CHCHD4: variants seen among roughly 807,000 people sequenced by gnomAD.
The protein encoded by CHCHD4 is mitochondrial intermembrane space import and assembly protein 40.
Under a neutral mutation model 12.4 loss-of-function variants are expected in CHCHD4, and 7 were observed. The observed-to-expected ratio is 0.57, with a 90% CI of 0.32 to 1.06. The LOEUF is 1.06. Ranked by LOEUF, CHCHD4 falls within the 50% of genes least tolerant of loss-of-function variation. The pLI, the probability that CHCHD4 is intolerant of heterozygous loss-of-function variation, is 0.04. For missense variants in CHCHD4, 143 were observed against 175.1 expected (o/e 0.82, Z 1.03); for synonymous variants, 56 against 58.0 (o/e 0.97, Z 0.16).
At position 14,124,699 on chromosome 3, in the gene CHCHD4, C is replaced by A; in HGVS notation, c.-23G>T. On this transcript the variant is annotated 5_prime_UTR_variant, in exon 1 of 3. In the 5' UTR this introduces an upstream ATG that the reference lacks. Coordinates refer to ENST00000396914, the MANE Select transcript of CHCHD4 (RefSeq NM_001098502.2). ...CATGGCTGCAGCCCGTCCCTGAGAC[C>A]TTGCAGAAGCGGCGGTGGCGGCAGC... The A allele has an allele frequency of 6.6e-7, 1 of 1,524,752 alleles. No homozygotes were observed. Among genetic ancestry groups the A allele is most frequent in the Non-Finnish European group, 8.8e-7 (1 of 1,138,150 alleles). The allele number at this position is 1,524,752 out of a possible 1,614,324, so 94.5% of individuals were successfully genotyped here. A position where few individuals can be genotyped will look rare whatever the true frequency, so the allele number is the denominator to read the frequency against.
intron 1 of CHCHD4, among the ~76,000 whole-genome samples, chr3:14,121,523 T>C (rs1694934376): frequency 6.6e-6 from 1 of 152,216 alleles, no homozygotes; most frequent in Admixed American, 6.5e-5. Flanking sequence ...CCCTGTGTCC[T>C]GCAGAGGAAG....
intron 1 of CHCHD4, among the ~76,000 whole-genome samples, chr3:14,119,614 GAA>G (rs991833920): frequency 3.3e-5 from 5 of 152,220 alleles, no homozygotes; most frequent in African/African-American, 1.2e-4. Flanking sequence ...TTTCTCTAGA[GAA>G]ATAAAATTTA....
intron 2 of CHCHD4, among the ~76,000 whole-genome samples, chr3:14,113,882 GCTT>G (rs1307132522): frequency 6.6e-6 from 1 of 152,124 alleles, no homozygotes; most frequent in Non-Finnish European, 1.5e-5. Context: ...ATATTAATAG[GCTT>G]CTTACTTTTG....
chr3:14,119,542 G>A (rs1410592218), intron 1 of CHCHD4, among the ~76,000 whole-genome samples: 1 of 152,044 alleles, frequency 6.6e-6, no homozygotes. Flanking sequence ...CAGACTAGTC[G>A]TAAGATGCCA....
intron 2 of CHCHD4, among the ~76,000 whole-genome samples, chr3:14,114,462 T>A (rs1173825734): frequency 6.6e-6 from 1 of 152,178 alleles, no homozygotes; most frequent in Non-Finnish European, 1.5e-5. Flanking sequence ...CAGACTGGGC[T>A]GACAGGATTC....
At chr3:14,123,431 T>C (rs1275027357) in intron 1 of CHCHD4, among the ~76,000 whole-genome samples, 1 of 152,218 alleles carries the variant, frequency 6.6e-6, no homozygotes, top group Non-Finnish European at 1.5e-5. Flanking sequence ...TAGTACTCAT[T>C]AAAGAGTGAG....
intron 1 of CHCHD4, chr3:14,121,823 C>T (rs1162436320): frequency 5.6e-6 from 9 of 1,601,090 alleles, no homozygotes; most frequent in Middle Eastern, 3.3e-4. Context: ...TACAACTCCC[C>T]CATACAGAAT....
intron 1 of CHCHD4, chr3:14,119,147 G>T (rs749786878): frequency 6.6e-6 from 1 of 152,318 alleles, no homozygotes; most frequent in Non-Finnish European, 1.5e-5. Flanking sequence ...GTCCTCACAT[G>T]TGCCTTCCTG....
intron 1 of CHCHD4, among the ~76,000 whole-genome samples, chr3:14,121,475 A>C (rs996558670): frequency 2.0e-5 from 3 of 152,310 alleles, no homozygotes; most frequent in South Asian, 2.1e-4. Context: ...ATCTTTATAC[A>C]CCAGAATCTC....
chr3:14,124,483 C>A (rs1452559877), intron 1 of CHCHD4, among the ~76,000 whole-genome samples, 172 bp downstream of exon 1: 1 of 152,060 alleles, frequency 6.6e-6, no homozygotes, highest in African/African-American at 2.4e-5. Context: ...GTTTTCTCAT[C>A]CGCAAAACAG....
intron 1 of CHCHD4, among the ~76,000 whole-genome samples, chr3:14,121,268 G>C (rs1694931086): frequency 6.6e-6 from 1 of 152,172 alleles, no homozygotes; most frequent in Admixed American, 6.5e-5. Context: ...TAGAAGAGAA[G>C]TGACTTCCTT....
Position 14,112,675 on chromosome 3 carries a change from T to G in CHCHD4, c.*212A>C. ...AGAATTCAAAAGTGGCGGCCACAGG[T>G]TTGGGTAGGACACACATACATACAA... is the stretch of plus-strand genomic sequence containing the variant. On this transcript the variant is annotated 3_prime_UTR_variant, in exon 3 of 3. Coordinates refer to ENST00000396914, the MANE Select transcript of CHCHD4 (RefSeq NM_001098502.2). 1 of 466,612 alleles carries G rather than the reference T, an allele frequency of 2.1e-6. No individual in the cohort carries two copies. 28.9% of individuals were successfully genotyped at this position (466,612 alleles called of 1,614,324 possible). A position where few individuals can be genotyped will look rare whatever the true frequency, so the allele number is the denominator to read the frequency against.
Position 14,116,470 on chromosome 3 carries a change from G to A in CHCHD4, c.77C>T (p.Ala26Val), listed in dbSNP as rs1694877304. ...GTTGGGGTCATCAGCCACCAATTCT[G>A]CACTGCTTGGAGTTTCATGATCTTC... Reference protein sequence around the residue: ...TKEDHETPSSAELVADDPNDP... With the variant: ...TKEDHETPSSVELVADDPNDP... Residue 26 changes from alanine to valine, a missense_variant, in exon 2 of 3, where the codon GCA becomes GTA. Ala to Val is a moderately conservative substitution (Grantham distance 64, BLOSUM62 0). Transcript: ENST00000396914. 1 of 1,613,680 alleles carries A rather than the reference G, an allele frequency of 6.2e-7. No individual in the cohort carries two copies. Among genetic ancestry groups the A allele is most frequent in the African/African-American group, 1.3e-5 (1 of 74,904 alleles).
At chr3:14,114,575 T>G (rs1025337353) in intron 2 of CHCHD4, among the ~76,000 whole-genome samples, 5 of 152,078 alleles carry the variant, frequency 3.3e-5, no homozygotes, top group African/African-American at 4.8e-5. Context: ...TCAAATCTGC[T>G]CACAAACCTG....
intron 1 of CHCHD4, among the ~76,000 whole-genome samples, chr3:14,120,745 T>C (rs1009223698): frequency 6.6e-6 from 1 of 152,148 alleles, no homozygotes; most frequent in African/African-American, 2.4e-5. Flanking sequence ...TCAATATTTG[T>C]TGAAAAAAAT....
chr3:14,124,514 G>T, intron 1 of CHCHD4, 141 bp downstream of exon 1: 1 of 609,742 alleles, frequency 1.6e-6, no homozygotes, highest in Non-Finnish European at 2.6e-6. Flanking sequence ...CCCCCAGCCG[G>T]CCCGCCTCCG....
intron 1 of CHCHD4, among the ~76,000 whole-genome samples, chr3:14,124,405 G>A (rs1362957348): frequency 6.6e-6 from 1 of 152,172 alleles, no homozygotes; most frequent in Non-Finnish European, 1.5e-5. Flanking sequence ...CTACGCACAG[G>A]CCCCTCTGAG....
chr3:14,121,140 G>A (rs1395082085), intron 1 of CHCHD4, among the ~76,000 whole-genome samples: 3 of 152,136 alleles, frequency 2.0e-5, no homozygotes, highest in Non-Finnish European at 4.4e-5. Flanking sequence ...GTTTTACTGG[G>A]GCCCATTGTA....
chr3:14,124,413 G>T (rs1694978387), intron 1 of CHCHD4, among the ~76,000 whole-genome samples: 1 of 152,174 alleles, frequency 6.6e-6, no homozygotes. Context: ...AGGCCCCTCT[G>T]AGGTCAGGGT....
Sources: allele counts gnomAD v4.1 joint callset (sites outside exome capture counted in the v4.1 genomes callset), GRCh38; gene constraint gnomAD v4.1.1; transcripts MANE v1.5; gene names NCBI Gene and HGNC (gene_info 2026-07-23, HGNC 2026-07-21).